KEL: variants seen among roughly 807,000 people sequenced by gnomAD.
KEL encodes the protein kell blood group glycoprotein.
Under a neutral mutation model 99.5 loss-of-function variants are expected in KEL, and 96 were observed. The ratio of observed to expected loss-of-function variants is 0.97; its 90% CI spans 0.82 to 1.14. The LOEUF (loss-of-function observed/expected upper bound fraction) is 1.14. Ranked by LOEUF, KEL falls within the 50% of genes most tolerant of loss-of-function variation. KEL has a pLI of 0.00. For synonymous variants in KEL, 355 were observed against 354.8 expected (o/e 1.00, Z -0.01); for missense variants, 926 against 924.2 (o/e 1.00, Z -0.03).
chr7:142,961,582 C>T, intron 2 of KEL, 81 bp from the exon 3 acceptor site: 6 of 1,473,438 alleles, frequency 4.1e-6, no homozygotes, highest in East Asian at 4.7e-5. Flanking sequence ...GAGAATGAAT[C>T]TGTTGGTGCT....
chr7:142,959,616 G>C (rs1038573449), intron 4 of KEL, among the ~76,000 whole-genome samples: 4 of 152,176 alleles, frequency 2.6e-5, no homozygotes, highest in African/African-American at 9.7e-5. Context: ...GTTTAGCAAA[G>C]AGAAGAAACA....
chr7:142,952,392 G>T, intron 10 of KEL, 117 bp downstream of exon 10: 1 of 1,336,570 alleles, frequency 7.5e-7, no homozygotes, highest in Non-Finnish European at 1.1e-6. Context: ...GCCAAGACAT[G>T]GAGGGGCATC....
At position 142,954,328 on chromosome 7, in the gene KEL, C is replaced by G. The variant is rs1235779167; in HGVS notation, c.780G>C (p.Leu260Phe). 1 of 1,614,150 alleles carries G rather than the reference C, an allele frequency of 6.2e-7. No homozygotes were observed. The highest frequency in any genetic ancestry group is 1.1e-5 in the South Asian group (1 of 91,070). Residue 260 changes from leucine (L) to phenylalanine (F), a missense_variant, in exon 8 of 19, where the codon TTG becomes TTC. Leu to Phe is a conservative substitution (Grantham distance 22). Transcript: ENST00000355265. ...YLTYLNQLGT[L>F]LGGDPSKVQE... ...GCACCTTGCTTGGGTCTCCTCCCAG[C>G]AAGGTTCCCAGCTGATTCAGGTAAG...
chr7:142,953,455 T>C, intron 9 of KEL: 2 of 884,118 alleles, frequency 2.3e-6, no homozygotes, highest in Non-Finnish European at 2.7e-6. Context: ...AAGACATACA[T>C]ACACTTAACT....
intron 10 of KEL, among the ~76,000 whole-genome samples, chr7:142,948,386 G>GA (rs1042172527): frequency 2.0e-5 from 3 of 150,866 alleles, no homozygotes; most frequent in Non-Finnish European, 3.0e-5. Context: ...TAGGGCACCA[G>GA]AAAAAAAAAG....
At chr7:142,948,916 A>ACACACACACACACACACACACACAC (rs1255047064) in intron 10 of KEL, among the ~76,000 whole-genome samples, 1 of 152,002 alleles carries the variant, frequency 6.6e-6, no homozygotes, top group African/African-American at 2.4e-5. Context: ...ACACACACAC[A>ACACACACACACACACACACACACAC]CACACACACA....
intron 10 of KEL, among the ~76,000 whole-genome samples, chr7:142,947,998 A>T (rs1412531849): frequency 1.3e-5 from 2 of 152,218 alleles, no homozygotes; most frequent in Non-Finnish European, 2.9e-5. Context: ...ACCTCTTACC[A>T]GACAGTTGCT....
rs538821516 is a variant in KEL, at chr7:142,956,639, C to T, written c.672+1188G>A. 7.9e-5 allele frequency among the ~76,000 whole-genome samples: 12 copies of T among 152,256 alleles called. No homozygotes were observed. The South Asian group carries it at 2.5e-3, about 32-fold the overall frequency. On this transcript the variant is annotated intron_variant, in intron 6 of 18. Coordinates refer to ENST00000355265, the MANE Select transcript of KEL (RefSeq NM_000420.3). The stretch of plus-strand genomic sequence containing the variant: ...ATTCCAGGTCCTCCCCCTGGCTCAG[C>T]ATTTCCAACGCCCCATAGCTTCACC...
intron 4 of KEL, among the ~76,000 whole-genome samples, chr7:142,959,141 G>T (rs1796898051): frequency 6.6e-6 from 1 of 152,136 alleles, no homozygotes; most frequent in Non-Finnish European, 1.5e-5. Context: ...CTCATATTTG[G>T]CTCAAAATAA....
Position 142,961,482 on chromosome 7 carries a change from AGCCTCTCTTCTGGAGT to A in KEL, c.85_100del (p.Thr29CysfsTer16). ...CCATGGCCTGCTCCCTTCCACGGGC[AGCCTCTCTTCTGGAGT>A]GCTCTGTGGGAGGAACCAAGAGGTG... On this transcript the variant is annotated frameshift_variant, in exon 3 of 19. Coordinates refer to ENST00000355265, the MANE Select transcript of KEL (RefSeq NM_000420.3). LOFTEE classifies it high-confidence loss of function. The A allele has an allele frequency of 6.2e-7, 1 of 1,603,366 alleles. No homozygotes were observed. Among genetic ancestry groups the A allele is most frequent in the Non-Finnish European group, 8.5e-7 (1 of 1,174,620 alleles).
At chr7:142,961,183 AG>A in intron 3 of KEL, 79 bp from the exon 4 acceptor site, 1 of 1,548,848 alleles carries the variant, frequency 6.5e-7, no homozygotes, top group Non-Finnish European at 8.9e-7. Context: ...AAAGAACATC[AG>A]GTGAGTAACT....
At chr7:142,946,636 A>C (rs1480644167) in intron 10 of KEL, 2 of 402,006 alleles carry the variant, frequency 5.0e-6, no homozygotes, top group Non-Finnish European at 4.6e-6. Context: ...ACCCAAACTC[A>C]TACCTCGGCA....
At chr7:142,956,652 C>A (rs1253006697) in intron 6 of KEL, among the ~76,000 whole-genome samples, 1 of 152,116 alleles carries the variant, frequency 6.6e-6, no homozygotes, top group Non-Finnish European at 1.5e-5. Context: ...TTCCAACGCC[C>A]CATAGCTTCA....
At position 142,954,494 on chromosome 7, in the gene KEL, G is replaced by C. The variant is rs767742252; in HGVS notation, c.706C>G (p.Gln236Glu). The C allele has an allele frequency of 1.2e-6, 2 of 1,614,088 alleles. No individual in the cohort carries two copies. The highest frequency in any genetic ancestry group is 1.7e-6 in the Non-Finnish European group (2 of 1,179,980). ...GCATAGATCTTCTGTTCTTGATCTTGCTTGAGGGGAACATCAAACTCTGGC... is the reference window on the plus strand; with the variant it reads ...GCATAGATCTTCTGTTCTTGATCTTCCTTGAGGGGAACATCAAACTCTGGC... ...DQPEFDVPLK[Q>E]DQEQKIYAQI... The change falls in exon 7 of 19, where the codon CAA (glutamine) becomes GAA (glutamate). Residue 236 changes from glutamine to glutamate, a missense_variant. Transcript: ENST00000355265.
intron 6 of KEL, among the ~76,000 whole-genome samples, chr7:142,955,610 A>G (rs1047846343): frequency 6.6e-6 from 1 of 152,100 alleles, no homozygotes; most frequent in Non-Finnish European, 1.5e-5. Context: ...CACCATGTAT[A>G]TTTCACCTTA....
intron 10 of KEL, among the ~76,000 whole-genome samples, chr7:142,948,707 C>G (rs1258099175): frequency 6.6e-6 from 1 of 152,090 alleles, no homozygotes; most frequent in Non-Finnish European, 1.5e-5. Flanking sequence ...GTAACTGAGG[C>G]ATATGAAAGA....
intron 9 of KEL, 68 bp downstream of exon 9, chr7:142,953,740 C>T (rs1796747773): frequency 1.9e-6 from 3 of 1,586,714 alleles, no homozygotes; most frequent in Admixed American, 3.3e-5. Context: ...TTTCCTTTGC[C>T]CCCAAGATCT....
rs1338950684 is a variant in KEL, at chr7:142,943,794, G to A, written c.1581C>T (p.His527=). Residue 527 remains histidine (H), a synonymous_variant, in exon 14 of 19, where the codon CAC becomes CAT. Coordinates refer to ENST00000355265, the MANE Select transcript of KEL (RefSeq NM_000420.3). ...ARIVQSFLQP[H]PQHRWKVSPW... ...CCCTGCTGTCATACCTGTGTTGGGGGTGAGGCTGCAAGAAGCTCTGGACAA... is the reference window on the plus strand; with the variant it reads ...CCCTGCTGTCATACCTGTGTTGGGGATGAGGCTGCAAGAAGCTCTGGACAA... 1.2e-6 allele frequency: 2 copies of A among 1,613,840 alleles called. No individual in the cohort carries two copies.
intron 10 of KEL, among the ~76,000 whole-genome samples, chr7:142,948,912 A>ACACACACACACACACACACACACAC (rs1796602451): frequency 6.6e-6 from 1 of 151,912 alleles, no homozygotes; most frequent in African/African-American, 2.4e-5. Context: ...ACACACACAC[A>ACACACACACACACACACACACACAC]CACACACACA....
Sources: allele counts gnomAD v4.1 joint callset (sites outside exome capture counted in the v4.1 genomes callset), GRCh38; gene constraint gnomAD v4.1.1; transcripts MANE v1.5; gene names NCBI Gene and HGNC (gene_info 2026-07-23, HGNC 2026-07-21).